Variants in CSGALNACT1 observed in about 807,000 individuals in gnomAD.
The protein encoded by CSGALNACT1 is beta4GalNAcT-1.
A neutral mutation model predicts 51.0 loss-of-function variants in CSGALNACT1; 52 were observed. The observed-to-expected ratio is 1.02, with a 90% CI of 0.82 to 1.29. The LOEUF is 1.29. Ranked by LOEUF, CSGALNACT1 falls within the 50% of genes most tolerant of loss-of-function variation. The probability of loss-of-function intolerance (pLI) is 0.00; values close to 1 mark genes in which losing one functional copy is unlikely to be tolerated. For synonymous variants in CSGALNACT1, 341 were observed against 254.4 expected, an observed-to-expected ratio of 1.34 and a Z score of -3.24; for missense variants, 935 against 679.2, an observed-to-expected ratio of 1.38 and a Z score of -4.19.
intron 5 of CSGALNACT1, among the ~76,000 whole-genome samples, chr8:19,456,391 G>A (rs1432899514): frequency 6.6e-6 from 1 of 152,196 alleles, no homozygotes; most frequent in Non-Finnish European, 1.5e-5. Flanking sequence ...GACATAGGCA[G>A]CTTCTTTGCC....
chr8:19,617,291 C>T (rs557570615), intron 1 of CSGALNACT1, among the ~76,000 whole-genome samples: 11 of 152,130 alleles, frequency 7.2e-5, no homozygotes, highest in African/African-American at 1.7e-4. Context: ...ACTCGCCTGC[C>T]GTTCACCTTC....
chr8:19,472,059 G>A (rs985725110), intron 4 of CSGALNACT1, among the ~76,000 whole-genome samples: 10 of 152,192 alleles, frequency 6.6e-5, no homozygotes, highest in African/African-American at 2.4e-4. Flanking sequence ...GACACCAAGG[G>A]TTAGAAATTA....
At chr8:19,620,993 A>G (rs2053754073) in intron 1 of CSGALNACT1, among the ~76,000 whole-genome samples, 1 of 152,122 alleles carries the variant, frequency 6.6e-6, no homozygotes, top group African/African-American at 2.4e-5. Context: ...GAAACTTAAC[A>G]CCGTAAAAAT....
chr8:19,475,661 C>T (rs1023386242), intron 4 of CSGALNACT1, among the ~76,000 whole-genome samples: 3 of 152,126 alleles, frequency 2.0e-5, no homozygotes, highest in Non-Finnish European at 2.9e-5. Context: ...GAAAAGCACA[C>T]AAGCAAACAA....
chr8:19,506,854 C>A (rs777761381), intron 3 of CSGALNACT1, among the ~76,000 whole-genome samples: 49 of 152,220 alleles, frequency 3.2e-4, no homozygotes, highest in Non-Finnish European at 5.9e-4. Context: ...TCCTGTACAG[C>A]CTGCAGAACT....
intron 1 of CSGALNACT1, among the ~76,000 whole-genome samples, chr8:19,741,944 G>A (rs560614092): frequency 1.3e-5 from 2 of 152,292 alleles, no homozygotes; most frequent in East Asian, 3.9e-4. Flanking sequence ...AGACTGCCAA[G>A]ATTCAAATCC....
chr8:19,405,826 G>A lies in CSGALNACT1; in HGVS notation c.1553C>T (p.Ala518Val), dbSNP rs143957004. 5.6e-6 allele frequency: 9 copies of A among 1,614,030 alleles called. No homozygotes were observed. The African/African-American group carries it at 9.3e-5, about 17-fold the overall frequency. ...CTTCTGTTTCTGTTTGCGAAGGTGA[G>A]CCTCTATCTCGTGCCTGAACACCAG... The change falls in exon 10 of 10, where the codon GCT becomes GTT. Residue 518 changes from alanine (A) to valine (V), a missense_variant. By Grantham distance (64) the Ala-to-Val change is moderately conservative (BLOSUM62 0). Coordinates refer to ENST00000454498, the Ensembl canonical transcript of CSGALNACT1.
Position 19,456,771 on chromosome 8 carries a change from T to C in CSGALNACT1, c.851+1655A>G, listed in dbSNP as rs531002027. ...GCCCACTCTACTTTGGATTACATCATGGCTAAAGGCAAGCTCCAGCTAATT... is the reference window on the plus strand; with the variant it reads ...GCCCACTCTACTTTGGATTACATCACGGCTAAAGGCAAGCTCCAGCTAATT... On this transcript the variant is annotated intron_variant, in intron 5 of 9. Transcript: ENST00000454498. 3.9e-5 allele frequency among the ~76,000 whole-genome samples: 6 copies of C among 152,320 alleles called. No homozygotes were observed. In the East Asian group the frequency reaches 5.8e-4, roughly 15 times the overall value.
chr8:19,497,722 C>G (rs918521640), intron 4 of CSGALNACT1, among the ~76,000 whole-genome samples: 1 of 152,104 alleles, frequency 6.6e-6, no homozygotes, highest in Non-Finnish European at 1.5e-5. Context: ...CTCGGGCCTC[C>G]AAATTACTAA....
At chr8:19,646,633 C>A (rs376319528) in intron 1 of CSGALNACT1, among the ~76,000 whole-genome samples, 3 of 152,150 alleles carry the variant, frequency 2.0e-5, no homozygotes, top group Non-Finnish European at 4.4e-5. Context: ...TACAAGAAAG[C>A]CCCGTCTATG....
At chr8:19,681,385 G>A (rs944536329) in intron 1 of CSGALNACT1, among the ~76,000 whole-genome samples, 1 of 152,152 alleles carries the variant, frequency 6.6e-6, no homozygotes, top group African/African-American at 2.4e-5. Context: ...GGGAAATGGT[G>A]CATCTGTCCT....
At chr8:19,502,338 G>C (rs890865107) in intron 4 of CSGALNACT1, among the ~76,000 whole-genome samples, 2 of 152,166 alleles carry the variant, frequency 1.3e-5, no homozygotes, top group Admixed American at 1.3e-4. Flanking sequence ...TCAGTCTCTT[G>C]TTGGTGGATT....
intron 5 of CSGALNACT1, among the ~76,000 whole-genome samples, chr8:19,450,749 T>G (rs1230840160): frequency 6.6e-6 from 1 of 151,858 alleles, no homozygotes; most frequent in Non-Finnish European, 1.5e-5. Context: ...AGACTTTGTC[T>G]CTACAAAAAA....
chr8:19,698,153 C>T (rs1345941226), intron 1 of CSGALNACT1, among the ~76,000 whole-genome samples: 1 of 152,140 alleles, frequency 6.6e-6, no homozygotes, highest in Non-Finnish European at 1.5e-5. Context: ...ATGAGGTCCC[C>T]TTGATATGCT....
intron 4 of CSGALNACT1, among the ~76,000 whole-genome samples, chr8:19,494,093 T>C (rs978060113): frequency 2.6e-5 from 4 of 152,220 alleles, no homozygotes; most frequent in African/African-American, 9.6e-5. Flanking sequence ...TACACTTAGG[T>C]AGCACACAAA....
At chr8:19,496,331 G>T (rs2075443663) in intron 4 of CSGALNACT1, among the ~76,000 whole-genome samples, 1 of 152,124 alleles carries the variant, frequency 6.6e-6, no homozygotes, top group Non-Finnish European at 1.5e-5. Flanking sequence ...TCTAATAAGG[G>T]ACTTCCAGAT....
At chr8:19,553,760 A>G (rs1243914058) in intron 3 of CSGALNACT1, among the ~76,000 whole-genome samples, 3 of 151,504 alleles carry the variant, frequency 2.0e-5, no homozygotes, top group Admixed American at 2.0e-4. Context: ...ATGGGACCCC[A>G]AAGATAATAG....
chr8:19,707,828 C>G (rs2062261675), intron 1 of CSGALNACT1, among the ~76,000 whole-genome samples: 1 of 152,098 alleles, frequency 6.6e-6, no homozygotes, highest in South Asian at 2.1e-4. Context: ...TGGTGAAACC[C>G]TGTCTCTACT....
intron 3 of CSGALNACT1, among the ~76,000 whole-genome samples, chr8:19,549,656 CTTTTT>C (rs542956513): frequency 3.6e-5 from 3 of 83,468 alleles, no homozygotes; most frequent in Non-Finnish European, 4.5e-5. Flanking sequence ...CAATTTCCTA[CTTTTT>C]TTTTTTTTTT....
Sources: gnomAD v4.1 joint callset for allele counts (sites outside exome capture counted in the v4.1 genomes callset) on GRCh38, gnomAD v4.1.1 for gene constraint, MANE v1.5 for transcripts, NCBI Gene and HGNC (gene_info 2026-07-23, HGNC 2026-07-21) for gene names.